Variants in ADGRA2 observed in about 807,000 individuals in gnomAD.
ADGRA2 encodes the protein G-protein coupled receptor 124.
A neutral mutation model predicts 98.7 loss-of-function variants in ADGRA2; 61 were observed. The observed-to-expected ratio is 0.62, with a 90% CI of 0.50 to 0.76. ADGRA2 has a LOEUF of 0.76. Among genes scored for constraint, ADGRA2 ranks in the 30% least tolerant of loss-of-function variants. The pLI, the probability that ADGRA2 is intolerant of heterozygous loss-of-function variation, is 0.00. For missense variants in ADGRA2, 1,712 were observed against 1,860.0 expected, an observed-to-expected ratio of 0.92 and a Z score of 1.46; for synonymous variants, 858 against 831.5, an observed-to-expected ratio of 1.03 and a Z score of -0.55.
chr8:37,797,811 C>T lies in ADGRA2; in HGVS notation c.266+277C>T, dbSNP rs1157657834. Among the ~76,000 whole-genome samples, 1 of 152,174 alleles carries T rather than the reference C, an allele frequency of 6.6e-6. No individual in the cohort carries two copies. Among genetic ancestry groups the T allele is most frequent in the Non-Finnish European group, 1.5e-5 (1 of 68,020 alleles). ...ACCTGCACAGGTGAAGTGGAGAGCA[C>T]GCCTGCAGGGCACCCACGCCCCGGA... On this transcript the variant is annotated intron_variant, in intron 1 of 18. Coordinates refer to ENST00000412232, the MANE Select transcript of ADGRA2 (RefSeq NM_032777.10). This position sits in a 1 kb window ranked among gnomAD's most constrained non-coding sequence, Gnocchi z 5.3.
intron 2 of ADGRA2, among the ~76,000 whole-genome samples, chr8:37,824,643 C>T (rs974428552): frequency 2.6e-5 from 4 of 151,698 alleles, no homozygotes; most frequent in Admixed American, 6.6e-5. Context: ...ACAAGGCTCC[C>T]GCCACCACAC....
intron 2 of ADGRA2, among the ~76,000 whole-genome samples, chr8:37,823,367 A>G (rs1805181102): frequency 6.6e-6 from 1 of 150,916 alleles, no homozygotes; most frequent in Admixed American, 6.6e-5. Flanking sequence ...ATGCCTGGCC[A>G]ATTTTCTTTT....
Position 37,806,526 on chromosome 8 carries a change from C to CTTTT in ADGRA2, c.267-8357_267-8354dup, listed in dbSNP as rs533491458. Among the ~76,000 whole-genome samples the CTTTT allele has an allele frequency of 6.4e-4, 64 of 100,350 alleles. 2 individuals are homozygous for CTTTT. The highest frequency in any genetic ancestry group is 2.7e-3 in the African/African-American group (53 of 19,490). The allele number at this position is 100,350 out of a possible 152,430, so 65.8% of individuals were successfully genotyped here. On this transcript the variant is annotated intron_variant, in intron 1 of 18. Coordinates refer to ENST00000412232, the MANE Select transcript of ADGRA2 (RefSeq NM_032777.10). ...CTTTTTCTTTTTCTTTTTTCTTTTT[C>CTTTT]TTTTTTTTTTTTTTTTGAGACAGAG...
At chr8:37,812,948 C>G (rs896982421) in intron 1 of ADGRA2, among the ~76,000 whole-genome samples, 2 of 152,102 alleles carry the variant, frequency 1.3e-5, no homozygotes. Flanking sequence ...CCCAGCCTCC[C>G]AAAGTGCTAG....
Position 37,834,177 on chromosome 8 carries a change from G to A in ADGRA2, c.1608+49G>A, listed in dbSNP as rs751669263. On this transcript the variant is annotated intron_variant, in intron 11 of 18. Transcript: ENST00000412232. The surrounding 1 kb of genome is among the most constrained non-coding windows in gnomAD (Gnocchi z 4.2). ...TGGCCCTGGCATGCAGAGGAGGGAG[G>A]CGCTCCCTCTCAGGCGTGCACCTGC... is the stretch of plus-strand genomic sequence containing the variant. 36 of 1,515,588 alleles carry A rather than the reference G, an allele frequency of 2.4e-5. No individual in the cohort carries two copies. Among genetic ancestry groups the A allele is most frequent in the Non-Finnish European group, 1.8e-5 (20 of 1,111,988 alleles). The allele number at this position is 1,515,588 out of a possible 1,614,324, so 93.9% of individuals were successfully genotyped here. A position where few individuals can be genotyped will look rare whatever the true frequency, so the allele number is the denominator to read the frequency against.
At chr8:37,829,733 A>C (rs1805397555) in intron 5 of ADGRA2, 118 bp from the exon 6 acceptor site, 1 of 1,096,378 alleles carries the variant, frequency 9.1e-7, no homozygotes. Context: ...GATGGTGCAC[A>C]TAGACCCGAT....
In ADGRA2 at chr8:37,830,903, C is replaced by T. The variant is rs138245734; in HGVS notation, c.912C>T (p.His304=). ...AGILLAESLI[H]DCTFITSELT... ...TCCTCCTGGCCGAGAGCCTCATCCA[C>T]GACTGCACCTTCATCACCAGGTATG... Residue 304 remains histidine, a synonymous_variant, in exon 7 of 19, where the codon CAC becomes CAT. Transcript: ENST00000412232. The surrounding 1 kb of genome is among the most constrained non-coding windows in gnomAD (Gnocchi z 4.8). The T allele has an allele frequency of 2.0e-5, 31 of 1,581,070 alleles. No individual in the cohort carries two copies. Among genetic ancestry groups the T allele is most frequent in the East Asian group, 1.2e-4 (5 of 43,476 alleles).
At chr8:37,821,917 C>T (rs750821473) in intron 2 of ADGRA2, among the ~76,000 whole-genome samples, 5 of 152,166 alleles carry the variant, frequency 3.3e-5, no homozygotes, top group African/African-American at 7.2e-5. Context: ...TGGGTGGGGC[C>T]GAGGGTGAGG....
In ADGRA2 at chr8:37,806,526, C is replaced by CTTTTTTTTTTTTTTTTTTTTTTTTTTT. The variant is rs533491458; in HGVS notation, c.267-8354_267-8353insTTTTTTTTTTTTTTTTTTTTTTTTTTT. 7.1e-4 allele frequency among the ~76,000 whole-genome samples: 71 copies of CTTTTTTTTTTTTTTTTTTTTTTTTTTT among 100,350 alleles called. 4 individuals are homozygous for CTTTTTTTTTTTTTTTTTTTTTTTTTTT. The highest frequency in any genetic ancestry group is 1.2e-3 in the African/African-American group (23 of 19,494). 65.8% of individuals were successfully genotyped at this position (100,350 alleles called of 152,430 possible). Reference sequence around the variant, plus strand: ...CTTTTTCTTTTTCTTTTTTCTTTTTCTTTTTTTTTTTTTTTTGAGACAGAG... The same window carrying CTTTTTTTTTTTTTTTTTTTTTTTTTTT: ...CTTTTTCTTTTTCTTTTTTCTTTTTCTTTTTTTTTTTTTTTTTTTTTTTTTTTTTTTTTTTTTTTTTTTGAGACAGAG... On this transcript the variant is annotated intron_variant, in intron 1 of 18. Coordinates refer to ENST00000412232, the MANE Select transcript of ADGRA2 (RefSeq NM_032777.10).
chr8:37,811,703 T>C (rs181612876), intron 1 of ADGRA2, among the ~76,000 whole-genome samples: 359 of 151,356 alleles, frequency 2.4e-3, no homozygotes, highest in Non-Finnish European at 4.1e-3. Flanking sequence ...CTCAAACTCC[T>C]GACCACAGGT....
intron 1 of ADGRA2, among the ~76,000 whole-genome samples, chr8:37,804,864 C>G (rs1804615267): frequency 6.6e-6 from 1 of 152,244 alleles, no homozygotes; most frequent in Admixed American, 6.5e-5. Context: ...CAAGTACAAG[C>G]GTACTCACGG....
chr8:37,798,297 G>A (rs748435419), intron 1 of ADGRA2, among the ~76,000 whole-genome samples: 3 of 152,228 alleles, frequency 2.0e-5, no homozygotes, highest in Non-Finnish European at 4.4e-5. Flanking sequence ...CAAAGATTGC[G>A]AAGAAAGAAA....
At chr8:37,825,500 C>T (rs1478026642) in intron 2 of ADGRA2, among the ~76,000 whole-genome samples, 6 of 151,666 alleles carry the variant, frequency 4.0e-5, no homozygotes, top group East Asian at 1.9e-4. Flanking sequence ...CTGCCTACCT[C>T]GGCCTCCCAA....
chr8:37,803,944 G>C (rs979550127), intron 1 of ADGRA2, among the ~76,000 whole-genome samples: 4 of 152,108 alleles, frequency 2.6e-5, no homozygotes, highest in African/African-American at 9.7e-5. Flanking sequence ...CCCTTCCCCT[G>C]CCAGGGCTCC....
At chr8:37,829,165 C>A (rs990168388) in intron 3 of ADGRA2, 96 bp from the exon 4 acceptor site, 20 of 989,554 alleles carry the variant, frequency 2.0e-5, no homozygotes, top group Non-Finnish European at 2.9e-5. Context: ...CATCCCACCC[C>A]CCAACACAAG....
chr8:37,830,610 G>GCGCCCC lies in ADGRA2; in HGVS notation c.719-99_719-98insGCCCCC. 3.4e-5 allele frequency: 20 copies of GCGCCCC among 579,886 alleles called. No individual in the cohort carries two copies. The highest frequency in any genetic ancestry group is 5.1e-5 in the Non-Finnish European group (16 of 315,942). 35.9% of individuals were successfully genotyped at this position (579,886 alleles called of 1,614,324 possible). A position where few individuals can be genotyped will look rare whatever the true frequency, so the allele number is the denominator to read the frequency against. ...AGCTGGAGCAGGCTGCAGGCCGAGG[G>GCGCCCC]CCCCGCCCCGCCCCACCCCATCCTG... On this transcript the variant is annotated intron_variant, in intron 6 of 18. Coordinates refer to ENST00000412232, the MANE Select transcript of ADGRA2 (RefSeq NM_032777.10). This position sits in a 1 kb window ranked among gnomAD's most constrained non-coding sequence, Gnocchi z 4.8.
Position 37,835,592 on chromosome 8 carries a change from T to G in ADGRA2, c.1872T>G (p.Ser624Arg). ...VALASIQLPPSLFSSLPAALA... is the reference protein window; with the variant it reads ...VALASIQLPPRLFSSLPAALA... ...TGGCCTCCATCCAGCTGCCCCCGAGTCTATTCTCATCCCTTCCGGCTGCCC... is the reference window on the plus strand; with the variant it reads ...TGGCCTCCATCCAGCTGCCCCCGAGGCTATTCTCATCCCTTCCGGCTGCCC... The change falls in exon 13 of 19, where the codon AGT (serine) becomes AGG (arginine). Residue 624 changes from serine to arginine, a missense_variant. Ser to Arg is a moderately radical substitution (Grantham distance 110). Transcript: ENST00000412232. 6.2e-7 allele frequency: 1 copy of G among 1,613,410 alleles called. No homozygotes were observed. The highest frequency in any genetic ancestry group is 8.5e-7 in the Non-Finnish European group (1 of 1,179,658).
Position 37,833,020 on chromosome 8 carries a change from A to G in ADGRA2, c.1108A>G (p.Thr370Ala). 2 of 1,612,408 alleles carry G rather than the reference A, an allele frequency of 1.2e-6. No individual in the cohort carries two copies. The highest frequency in any genetic ancestry group is 8.5e-7 in the Non-Finnish European group (1 of 1,179,566). Residue 370 changes from threonine to alanine, a missense_variant, in exon 9 of 19, where the codon ACT (threonine) becomes GCT (alanine). By Grantham distance (58) the Thr-to-Ala change is moderately conservative. Transcript: ENST00000412232. ...NNRGDFRWPR[T>A]LAGITAYQSC... Reference sequence around the variant, plus strand: ...TGCCTCTCCCCCCAGGTGGCCCCGAACTCTGGCTGGCATCACAGCCTACCA... The same window carrying G: ...TGCCTCTCCCCCCAGGTGGCCCCGAGCTCTGGCTGGCATCACAGCCTACCA...
rs563185439 is a variant in ADGRA2, at chr8:37,834,594, G to A, written c.1608+466G>A. On this transcript the variant is annotated intron_variant, in intron 11 of 18. Coordinates refer to ENST00000412232, the MANE Select transcript of ADGRA2 (RefSeq NM_032777.10). This position sits in a 1 kb window ranked among gnomAD's most constrained non-coding sequence, Gnocchi z 4.2. ...ATGGAGCCTGCTCTACAGCTGAGTC[G>A]GGCAACAGAACTGGCATACTTAAGA... is the stretch of plus-strand genomic sequence containing the variant. Among the ~76,000 whole-genome samples the A allele has an allele frequency of 3.9e-5, 6 of 152,244 alleles. No individual in the cohort carries two copies. The highest frequency in any genetic ancestry group is 4.2e-4 in the South Asian group (2 of 4,816).
Sources: gnomAD v4.1 joint callset for allele counts (sites outside exome capture counted in the v4.1 genomes callset) on GRCh38, gnomAD v4.1.1 for gene constraint, Gnocchi (gnomAD v3.1) non-coding constraint, MANE v1.5 for transcripts, NCBI Gene and HGNC (gene_info 2026-07-23, HGNC 2026-07-21) for gene names.